The following USP47 variants were observed in gnomAD, a reference collection of about 807,000 sequenced individuals.
The protein encoded by USP47 is ubiquitin carboxyl-terminal hydrolase 47.
Under a neutral mutation model 165.1 loss-of-function variants are expected in USP47, and 35 were observed. The observed-to-expected ratio is 0.21, with a 90% CI of 0.16 to 0.28. USP47 has a LOEUF of 0.28. Among genes scored for constraint, USP47 ranks in the 10% least tolerant of loss-of-function variants. USP47 has a pLI of 1.00. For missense variants in USP47, 1,277 were observed against 1,607.4 expected (o/e 0.79, Z 3.52); for synonymous variants, 531 against 544.5 (o/e 0.98, Z 0.35).
chr11:11,880,476 TAAAC>T, intron 2 of USP47, 96 bp downstream of exon 2: 1 of 963,940 alleles, frequency 1.0e-6, no homozygotes. Flanking sequence ...CTTAAAATCA[TAAAC>T]AAAAGTATAA....
chr11:11,900,095 A>T (rs61870724), intron 5 of USP47, among the ~76,000 whole-genome samples: 2,574 of 151,858 alleles, frequency 0.017, 34 homozygotes, highest in Middle Eastern at 0.031. Flanking sequence ...GCATAAAAGG[A>T]TAAAGTATCC....
intron 5 of USP47, among the ~76,000 whole-genome samples, chr11:11,900,662 G>GTGGTTACATTTCA (rs1852168196): frequency 6.6e-6 from 1 of 152,202 alleles, no homozygotes; most frequent in African/African-American, 2.4e-5. Flanking sequence ...GATGGTGGCA[G>GTGGTTACATTTCA]TGGTTACATT....
At chr11:11,856,930 A>G (rs574866255) in intron 1 of USP47, 1 of 152,210 alleles carries the variant, frequency 6.6e-6, no homozygotes, top group Non-Finnish European at 1.5e-5. Context: ...TCTGCAAGCT[A>G]AAGGTGACAC....
chr11:11,897,933 T>C (rs1014082605), intron 5 of USP47, among the ~76,000 whole-genome samples: 5 of 152,128 alleles, frequency 3.3e-5, no homozygotes, highest in Non-Finnish European at 7.4e-5. Context: ...GAGATTTACA[T>C]GTAGGGTAAA....
At chr11:11,904,078 CAA>C (rs1389875849) in intron 7 of USP47, among the ~76,000 whole-genome samples, 1 of 151,938 alleles carries the variant, frequency 6.6e-6, no homozygotes, top group African/African-American at 2.4e-5. Flanking sequence ...ACAGCATTTT[CAA>C]AAAATGGAAT....
chr11:11,859,102 T>C (rs1405854152), intron 1 of USP47, among the ~76,000 whole-genome samples: 3 of 152,214 alleles, frequency 2.0e-5, no homozygotes, highest in Non-Finnish European at 4.4e-5. Flanking sequence ...GCTTTTAGTT[T>C]GCATTTTCCT....
chr11:11,844,959 C>T (rs1848346069), intron 1 of USP47, among the ~76,000 whole-genome samples: 1 of 152,178 alleles, frequency 6.6e-6, no homozygotes, highest in African/African-American at 2.4e-5. Flanking sequence ...GATCAGTTCA[C>T]AGCCTGGTTT....
chr11:11,881,673 T>C (rs1359293961), intron 2 of USP47, among the ~76,000 whole-genome samples: 2 of 152,130 alleles, frequency 1.3e-5, no homozygotes, highest in Non-Finnish European at 2.9e-5. Context: ...TTGGTAGACA[T>C]CTTCTTAGGT....
chr11:11,876,434 A>G (rs1850424119), intron 1 of USP47, among the ~76,000 whole-genome samples: 1 of 152,128 alleles, frequency 6.6e-6, no homozygotes, highest in African/African-American at 2.4e-5. Flanking sequence ...GTGTTTAGCT[A>G]TATTTATTTT....
rs2134964535 is a variant in USP47 at position 11,961,192 on chromosome 11, T to C, written c.*5017T>C. Among the ~76,000 whole-genome samples the C allele has an allele frequency of 6.6e-6, 1 of 152,326 alleles. No individual in the cohort carries two copies. The highest frequency in any genetic ancestry group is 1.5e-5 in the Non-Finnish European group (1 of 68,034). ...CCTAAACCCTGTATCCTGTGATTAT[T>C]TACCTGACAGGGCAAAAGAGATTTT... On this transcript the variant is annotated 3_prime_UTR_variant, in exon 28 of 28. Transcript: ENST00000527733.
In USP47 at chr11:11,880,317, A is replaced by C. The variant is rs1383138254; in HGVS notation, c.180A>C (p.Lys60Asn). 7.2e-7 allele frequency: 1 copy of C among 1,395,180 alleles called. No homozygotes were observed. The highest frequency in any genetic ancestry group is 1.5e-5 in the African/African-American group (1 of 66,438). The allele number at this position is 1,395,180 out of a possible 1,614,324, so 86.4% of individuals were successfully genotyped here. The change falls in exon 2 of 28, where the codon AAA (lysine) becomes AAC (asparagine). Residue 60 changes from lysine (K) to asparagine (N), a missense_variant. Around this residue, in one of 4 missense-constraint regions of USP47, gnomAD observed 181 missense variants for 194.7 expected, o/e 0.93. Coordinates refer to ENST00000527733, the MANE Select transcript of USP47 (RefSeq NM_001282659.2). ...AGCTCTTTGAAGATGTGGCCAACAA[A>C]GTAGGCTACATAAATGGAACCTTTG... ...VRKLFEDVAN[K>N]VGYINGTFDL...
intron 4 of USP47, among the ~76,000 whole-genome samples, chr11:11,894,003 G>C (rs1326364706): frequency 1.3e-5 from 2 of 152,080 alleles, no homozygotes; most frequent in African/African-American, 4.8e-5. Flanking sequence ...ATTTCTATCA[G>C]TAGAACTTTT....
At chr11:11,871,525 A>G (rs907759260) in intron 1 of USP47, among the ~76,000 whole-genome samples, 1 of 129,136 alleles carries the variant, frequency 7.7e-6, no homozygotes, top group African/African-American at 3.9e-5. Context: ...AAAAAAAAAA[A>G]AAAAAAAAAA....
At chr11:11,855,751 T>C (rs762122241) in intron 1 of USP47, among the ~76,000 whole-genome samples, 8 of 152,226 alleles carry the variant, frequency 5.3e-5, no homozygotes, top group Non-Finnish European at 1.2e-4. Context: ...TACACTTTCA[T>C]TGTTTTTAGT....
intron 22 of USP47, chr11:11,948,789 T>C (rs940930238): frequency 2.7e-5 from 10 of 373,466 alleles, no homozygotes; most frequent in African/African-American, 1.9e-4. Context: ...TGTCTCAACA[T>C]TTTATTTACA....
At chr11:11,932,585 T>A (rs1319091983) in intron 14 of USP47, among the ~76,000 whole-genome samples, 1 of 152,168 alleles carries the variant, frequency 6.6e-6, no homozygotes, top group East Asian at 1.9e-4. Context: ...GTAGTAACTT[T>A]ATGGGGTAGA....
At chr11:11,893,705 A>G (rs1851684069) in intron 4 of USP47, among the ~76,000 whole-genome samples, 1 of 152,012 alleles carries the variant, frequency 6.6e-6, no homozygotes, top group South Asian at 2.1e-4. Context: ...GGTGTGCATC[A>G]CAACGCCTGG....
chr11:11,934,702 G>T (rs76013968), intron 16 of USP47, among the ~76,000 whole-genome samples: 4,018 of 152,132 alleles, frequency 0.026, 184 homozygotes, highest in African/African-American at 0.09. Context: ...TGAAATAGAA[G>T]TTTACGTTTT....
At position 11,959,083 on chromosome 11, in the gene USP47, G is replaced by T. The variant is rs1847342181; in HGVS notation, c.*2908G>T. The T allele has an allele frequency of 6.6e-6, 1 of 152,234 alleles. No homozygotes were observed. The highest frequency in any genetic ancestry group is 1.5e-5 in the Non-Finnish European group (1 of 68,044). 9.4% of individuals were successfully genotyped at this position (152,234 alleles called of 1,614,324 possible). On this transcript the variant is annotated 3_prime_UTR_variant, in exon 28 of 28. Transcript: ENST00000527733. ...AATGACCGCACAGCATCATAGCATTGCAGTGTTGTTACTAAATCTGGAAGT... is the reference window on the plus strand; with the variant it reads ...AATGACCGCACAGCATCATAGCATTTCAGTGTTGTTACTAAATCTGGAAGT...
Sources: allele counts gnomAD v4.1 joint callset (sites outside exome capture counted in the v4.1 genomes callset), GRCh38; gene constraint gnomAD v4.1.1; regional missense constraint gnomAD v4.1.1; transcripts MANE v1.5; gene names NCBI Gene and HGNC (gene_info 2026-07-23, HGNC 2026-07-21).